Variants in ZNF682 observed in about 807,000 individuals in gnomAD.
ZNF682 encodes the protein zinc finger protein 682.
In ZNF682, 29 loss-of-function variants were observed where a neutral mutation model predicts 36.5. That is an observed-to-expected ratio of 0.80 (90% CI 0.59 to 1.08). The LOEUF (loss-of-function observed/expected upper bound fraction) is 1.08. Among genes scored for constraint, ZNF682 ranks in the 50% least tolerant of loss-of-function variants. The pLI is 0.00. For synonymous variants in ZNF682, 180 were observed against 197.0 expected (o/e 0.91, Z 0.72); for missense variants, 561 against 579.7 (o/e 0.97, Z 0.33).
At chr19:20,039,137 C>T (rs1219459282) in intron 1 of ZNF682, 23 of 1,398,284 alleles carry the variant, frequency 1.6e-5, no homozygotes, top group African/African-American at 4.4e-5. Flanking sequence ...GAGAACGGAA[C>T]GGGATGCCCG....
At chr19:20,032,178 C>G (rs1220130616) in intron 1 of ZNF682, among the ~76,000 whole-genome samples, 1 of 152,124 alleles carries the variant, frequency 6.6e-6, no homozygotes, top group East Asian at 1.9e-4. Context: ...AATCCCAGGG[C>G]CTGGATTCAA....
Position 20,022,654 on chromosome 19 carries a change from ACT to A in ZNF682, c.226+348_226+349del, listed in dbSNP as rs1208958181. Among the ~76,000 whole-genome samples the A allele has an allele frequency of 5.0e-3, 758 of 150,336 alleles. 7 individuals carry two copies. Among genetic ancestry groups the A allele is most frequent in the Middle Eastern group, 6.9e-3 (2 of 288 alleles). ...CTCCAGCCTGGGCAACACGAGCGAA[ACT>A]CTCTCTCTCAAAAAAAAGAAAAAAA... On this transcript the variant is annotated intron_variant, in intron 3 of 3. Transcript: ENST00000397165.
intron 1 of ZNF682, among the ~76,000 whole-genome samples, chr19:20,029,480 A>G (rs2088461527): frequency 6.6e-6 from 1 of 151,604 alleles, no homozygotes; most frequent in Admixed American, 6.6e-5. Flanking sequence ...ACACACTTGT[A>G]GCCCCAGCTA....
chr19:20,014,713 G>A (rs1432386893), intron 3 of ZNF682, among the ~76,000 whole-genome samples: 1 of 151,278 alleles, frequency 6.6e-6, no homozygotes, highest in Non-Finnish European at 1.5e-5. Flanking sequence ...CTGGGAGGCG[G>A]AGGTTGAAGT....
chr19:20,032,770 T>C (rs770596410), intron 1 of ZNF682, among the ~76,000 whole-genome samples: 2 of 152,134 alleles, frequency 1.3e-5, no homozygotes, highest in East Asian at 1.9e-4. Flanking sequence ...AGAAAGAAGG[T>C]TGTCATAATT....
At chr19:20,022,153 A>G (rs2088389714) in intron 3 of ZNF682, among the ~76,000 whole-genome samples, 1 of 148,608 alleles carries the variant, frequency 6.7e-6, no homozygotes, top group Non-Finnish European at 1.5e-5. Context: ...TGGGTGACAG[A>G]GTGAAACTCC....
chr19:20,027,047 C>T (rs1289837871), intron 1 of ZNF682, among the ~76,000 whole-genome samples: 5 of 152,178 alleles, frequency 3.3e-5, no homozygotes, highest in Admixed American at 3.3e-4. Flanking sequence ...GAAAAGAGAA[C>T]ATCACCCCTG....
chr19:20,012,767 C>CAAAAAAA (rs35481536), intron 3 of ZNF682, among the ~76,000 whole-genome samples: 1 of 83,740 alleles, frequency 1.2e-5, no homozygotes, highest in African/African-American at 4.7e-5. Flanking sequence ...GACTCCGTCT[C>CAAAAAAA]AAAAAAAAAA....
intron 3 of ZNF682, among the ~76,000 whole-genome samples, chr19:19,998,128 C>T (rs1319821107): frequency 1.3e-5 from 2 of 152,170 alleles, no homozygotes; most frequent in East Asian, 3.9e-4. Flanking sequence ...GCACCGTACC[C>T]TGAGGACCAG....
At chr19:20,030,642 A>G (rs897134841) in intron 1 of ZNF682, 4 of 152,226 alleles carry the variant, frequency 2.6e-5, no homozygotes, top group Middle Eastern at 3.2e-3. Context: ...AGATGGTGAC[A>G]TCAGAGTTCC....
At chr19:20,012,767 C>CAAAAAAAAAAAAAAAAA (rs35481536) in intron 3 of ZNF682, among the ~76,000 whole-genome samples, 1 of 83,738 alleles carries the variant, frequency 1.2e-5, no homozygotes, top group Admixed American at 1.4e-4. Context: ...GACTCCGTCT[C>CAAAAAAAAAAAAAAAAA]AAAAAAAAAA....
chr19:20,013,113 G>A (rs1276064357), intron 3 of ZNF682, among the ~76,000 whole-genome samples: 1 of 151,998 alleles, frequency 6.6e-6, no homozygotes, highest in Non-Finnish European at 1.5e-5. Flanking sequence ...AAGAAGAATG[G>A]TACAAGTCAT....
At chr19:19,999,713 T>A (rs2088152421), downstream of ZNF682, among the ~76,000 whole-genome samples, 1 of 152,140 alleles carries the variant, frequency 6.6e-6, no homozygotes, top group South Asian at 2.1e-4. Context: ...TTTTGTATTC[T>A]TAGTAGAGAT....
chr19:20,025,908 A>G (rs2088427378), intron 1 of ZNF682, among the ~76,000 whole-genome samples: 1 of 152,214 alleles, frequency 6.6e-6, no homozygotes, highest in African/African-American at 2.4e-5. Context: ...GCCTTTCCTC[A>G]GCATTTGAAA....
chr19:20,012,767 C>CAAAA (rs35481536), intron 3 of ZNF682, among the ~76,000 whole-genome samples: 5 of 83,740 alleles, frequency 6.0e-5, no homozygotes, highest in East Asian at 3.3e-4. Context: ...GACTCCGTCT[C>CAAAA]AAAAAAAAAA....
At chr19:20,000,157 T>C (rs1451324644), downstream of ZNF682, among the ~76,000 whole-genome samples, 1 of 152,128 alleles carries the variant, frequency 6.6e-6, no homozygotes, top group Admixed American at 6.6e-5. Context: ...ATAGGTCTTA[T>C]AGTAAGAAGG....
chr19:20,034,774 CAA>C (rs34063491), intron 1 of ZNF682, among the ~76,000 whole-genome samples: 40,785 of 134,084 alleles, frequency 0.3, 8,011 homozygotes, highest in African/African-American at 0.59. Flanking sequence ...AACTCCATCT[CAA>C]AAAAAAAAAA....
downstream of ZNF682, among the ~76,000 whole-genome samples, chr19:19,996,431 T>A (rs1367071739): frequency 6.6e-6 from 1 of 152,156 alleles, no homozygotes; most frequent in East Asian, 1.9e-4. Context: ...TGGAACTAGA[T>A]AAAATGCCCA....
At chr19:20,028,748 C>T (rs753410737) in intron 1 of ZNF682, among the ~76,000 whole-genome samples, 1 of 152,170 alleles carries the variant, frequency 6.6e-6, no homozygotes, top group Non-Finnish European at 1.5e-5. Flanking sequence ...AGAGGCAGCT[C>T]ATGTCTGAGT....
Sources: allele counts gnomAD v4.1 joint callset (sites outside exome capture counted in the v4.1 genomes callset), GRCh38; gene constraint gnomAD v4.1.1; transcripts MANE v1.5; gene names NCBI Gene and HGNC (gene_info 2026-07-23, HGNC 2026-07-21).